DNAJC3: variants seen among roughly 807,000 people sequenced by gnomAD.
The protein encoded by DNAJC3 is dnaJ homolog subfamily C member 3.
Under a neutral mutation model 68.6 loss-of-function variants are expected in DNAJC3, and 38 were observed. The ratio of observed to expected loss-of-function variants is 0.55; its 90% CI spans 0.43 to 0.73. The LOEUF is 0.73. Ranked by LOEUF, DNAJC3 falls within the 30% of genes least tolerant of loss-of-function variation. The pLI is 0.00. For missense variants in DNAJC3, 526 were observed against 591.9 expected (o/e 0.89, Z 1.16); for synonymous variants, 203 against 204.0 (o/e 1.00, Z 0.04).
chr13:95,688,923 T>G (rs978479531), intron 1 of DNAJC3, among the ~76,000 whole-genome samples: 1 of 102,448 alleles, frequency 9.8e-6, no homozygotes, highest in African/African-American at 3.9e-5. Context: ...CATTTGATTG[T>G]GTGGGTGTGT....
At chr13:95,693,737 T>TC (rs1880349616) in intron 1 of DNAJC3, 2 of 119,030 alleles carry the variant, frequency 1.7e-5, no homozygotes, top group Non-Finnish European at 3.4e-5. Flanking sequence ...TTACAGACAT[T>TC]CAACTTCTCC....
At chr13:95,753,031 A>G (rs1340835011) in intron 4 of DNAJC3, among the ~76,000 whole-genome samples, 1 of 152,144 alleles carries the variant, frequency 6.6e-6, no homozygotes, top group African/African-American at 2.4e-5. Context: ...TCTCTTGTGT[A>G]TATTTCTGTT....
At chr13:95,722,441 T>C (rs1409209860) in intron 2 of DNAJC3, among the ~76,000 whole-genome samples, 1 of 151,952 alleles carries the variant, frequency 6.6e-6, no homozygotes, top group African/African-American at 2.4e-5. Context: ...CTTAGGAGAA[T>C]CTCCATAGAG....
chr13:95,794,650 ATGAT>A lies in DNAJC3; in HGVS notation c.*3626_*3629del, dbSNP rs535906275. ...GTTTACAGATGATCTCATTTGCTGA[ATGAT>A]TGATTTAAGAGTAAAATTAGCCACT... On this transcript the variant is annotated 3_prime_UTR_variant, in exon 12 of 12. Transcript: ENST00000602402. The A allele has an allele frequency of 5.3e-5, 8 of 152,304 alleles. No homozygotes were observed. Among genetic ancestry groups the A allele is most frequent in the African/African-American group, 1.4e-4 (6 of 41,562 alleles). The allele number at this position is 152,304 out of a possible 1,614,324, so 9.4% of individuals were successfully genotyped here. A position where few individuals can be genotyped will look rare whatever the true frequency, so the allele number is the denominator to read the frequency against.
intron 10 of DNAJC3, among the ~76,000 whole-genome samples, 194 bp downstream of exon 10, chr13:95,786,265 A>G (rs1050473404): frequency 2.0e-5 from 3 of 152,218 alleles, no homozygotes; most frequent in Non-Finnish European, 4.4e-5. Flanking sequence ...ATAGAGACCA[A>G]TAATGCAACA....
At chr13:95,683,486 T>C (rs1433033576) in intron 1 of DNAJC3, among the ~76,000 whole-genome samples, 3 of 152,230 alleles carry the variant, frequency 2.0e-5, no homozygotes, top group East Asian at 3.8e-4. Context: ...CCCCCCTCTC[T>C]GTCTTCCTCC....
At chr13:95,740,270 C>T (rs1882085511) in intron 4 of DNAJC3, among the ~76,000 whole-genome samples, 1 of 152,224 alleles carries the variant, frequency 6.6e-6, no homozygotes, top group South Asian at 2.1e-4. Flanking sequence ...TTTTGTTTGT[C>T]TGTGCCCTGC....
intron 2 of DNAJC3, among the ~76,000 whole-genome samples, chr13:95,718,133 T>C (rs1473943590): frequency 2.0e-5 from 3 of 152,262 alleles, no homozygotes. Flanking sequence ...AAATGAAATA[T>C]AGTATTTCCA....
chr13:95,781,842 A>C (rs897280163), intron 9 of DNAJC3, among the ~76,000 whole-genome samples: 2 of 151,514 alleles, frequency 1.3e-5, no homozygotes, highest in African/African-American at 4.9e-5. Context: ...TCTGGGATAC[A>C]TGTGCAGAAT....
chr13:95,757,539 T>C, intron 4 of DNAJC3, 105 bp from the exon 5 acceptor site: 2 of 1,192,716 alleles, frequency 1.7e-6, no homozygotes, highest in South Asian at 2.6e-5. Flanking sequence ...TTTACCCTTT[T>C]TACCCAATGA....
chr13:95,733,692 G>T (rs962193912), intron 4 of DNAJC3, among the ~76,000 whole-genome samples: 44 of 145,586 alleles, frequency 3.0e-4, no homozygotes, highest in African/African-American at 1.0e-3. Flanking sequence ...GAGCCACTGT[G>T]CCTGGCCTGT....
intron 9 of DNAJC3, among the ~76,000 whole-genome samples, chr13:95,769,181 A>G (rs1316011623): frequency 6.6e-6 from 1 of 152,142 alleles, no homozygotes; most frequent in Non-Finnish European, 1.5e-5. Context: ...TTTTAACCCA[A>G]AGGAGTCTGA....
chr13:95,687,705 T>C (rs183819901), intron 1 of DNAJC3, among the ~76,000 whole-genome samples: 1 of 152,204 alleles, frequency 6.6e-6, no homozygotes, highest in African/African-American at 2.4e-5. Context: ...AGTTGGGTAA[T>C]GTGATACCTC....
intron 2 of DNAJC3, among the ~76,000 whole-genome samples, chr13:95,711,529 C>T (rs1880965977): frequency 6.6e-6 from 1 of 151,626 alleles, no homozygotes; most frequent in African/African-American, 2.4e-5. Flanking sequence ...AAAAACTCTA[C>T]TCAAGAGACA....
At chr13:95,704,264 G>A (rs765589016) in intron 1 of DNAJC3, among the ~76,000 whole-genome samples, 1 of 152,176 alleles carries the variant, frequency 6.6e-6, no homozygotes, top group Non-Finnish European at 1.5e-5. Flanking sequence ...AGTGGCTTAT[G>A]TGGGTATAAT....
chr13:95,680,397 C>A (rs3886352), intron 1 of DNAJC3, among the ~76,000 whole-genome samples: 1 of 151,806 alleles, frequency 6.6e-6, no homozygotes, highest in Non-Finnish European at 1.5e-5. Flanking sequence ...TTATTTGAAC[C>A]ATGATAAGTT....
At position 95,697,193 on chromosome 13, in the gene DNAJC3, G is replaced by A. The variant is rs184640335; in HGVS notation, c.83-12034G>A. 2.6e-4 allele frequency among the ~76,000 whole-genome samples: 39 copies of A among 152,214 alleles called. 1 individual carries two copies. In the East Asian group the frequency reaches 5.8e-3, roughly 23 times the overall value. On this transcript the variant is annotated intron_variant, in intron 1 of 11. Coordinates refer to ENST00000602402, the MANE Select transcript of DNAJC3 (RefSeq NM_006260.5). ...GTTTCCACATTTAGAACTCTTTTGC[G>A]CTTTTCTTATAGGTCTAGTCTAGTG...
chr13:95,739,134 G>C (rs1243595975), intron 4 of DNAJC3, among the ~76,000 whole-genome samples: 2 of 152,108 alleles, frequency 1.3e-5, no homozygotes, highest in African/African-American at 2.4e-5. Flanking sequence ...TTTTCTTTAA[G>C]AATGTTGAAT....
intron 10 of DNAJC3, 89 bp from the exon 11 acceptor site, chr13:95,786,918 C>A: frequency 6.8e-7 from 1 of 1,473,040 alleles, no homozygotes; most frequent in South Asian, 1.4e-5. Flanking sequence ...TTGTTAATTG[C>A]CAGTAGGATC....
Sources: gnomAD v4.1 joint callset for allele counts (sites outside exome capture counted in the v4.1 genomes callset) on GRCh38, gnomAD v4.1.1 for gene constraint, MANE v1.5 for transcripts, NCBI Gene and HGNC (gene_info 2026-07-23, HGNC 2026-07-21) for gene names.